PI4KA: variants seen among roughly 807,000 people sequenced by gnomAD.
The protein encoded by PI4KA is PI4-kinase alpha.
Under a neutral mutation model 271.4 loss-of-function variants are expected in PI4KA, and 122 were observed. The ratio of observed to expected loss-of-function variants is 0.45; its 90% CI spans 0.39 to 0.52. PI4KA has a LOEUF of 0.52. PI4KA is among the 20% of genes least tolerant of loss of function. The probability of loss-of-function intolerance (pLI) is 0.00; values close to 1 mark genes in which losing one functional copy is unlikely to be tolerated. For synonymous variants in PI4KA, 1,041 were observed against 1,078.8 expected, an observed-to-expected ratio of 0.96 and a Z score of 0.69; for missense variants, 1,969 against 2,769.1, an observed-to-expected ratio of 0.71 and a Z score of 6.48.
At chr22:20,720,961 G>A (rs1926663805) in intron 43 of PI4KA, among the ~76,000 whole-genome samples, 1 of 152,210 alleles carries the variant, frequency 6.6e-6, no homozygotes, top group Non-Finnish European at 1.5e-5. Context: ...TGTGCTATTT[G>A]GGAACCGCTG....
chr22:20,801,670 G>GAACCACCA (rs1935339234), intron 14 of PI4KA, among the ~76,000 whole-genome samples: 1 of 152,014 alleles, frequency 6.6e-6, no homozygotes, highest in African/African-American at 2.4e-5. Context: ...GATCACCTGA[G>GAACCACCA]GTCAGGAGTT....
chr22:20,721,217 G>C, intron 43 of PI4KA, 81 bp downstream of exon 43: 1 of 1,489,474 alleles, frequency 6.7e-7, no homozygotes, highest in Non-Finnish European at 9.3e-7. Flanking sequence ...GCAGGCTGGC[G>C]AGAGCCCTGG....
chr22:20,820,471 A>G (rs1457575929), intron 5 of PI4KA, 68 bp downstream of exon 5: 2 of 1,012,778 alleles, frequency 2.0e-6, no homozygotes, highest in African/African-American at 1.6e-5. Flanking sequence ...AACAGAAAAG[A>G]CTGGAGAAAA....
intron 12 of PI4KA, 48 bp from the exon 13 acceptor site, chr22:20,803,368 C>T: frequency 1.9e-6 from 3 of 1,611,804 alleles, no homozygotes; most frequent in African/African-American, 2.7e-5. Context: ...ATGGGACCAT[C>T]TGAGTAGGCC....
In PI4KA at chr22:20,761,383, T is replaced by G. The variant is rs1569000287; in HGVS notation, c.2712A>C (p.Val904=). 6.2e-7 allele frequency: 1 copy of G among 1,605,312 alleles called. No homozygotes were observed. The highest frequency in any genetic ancestry group is 1.1e-5 in the South Asian group (1 of 90,922). Residue 904 remains valine (V), a synonymous_variant, in exon 23 of 55, where the codon GTA becomes GTC. Coordinates refer to ENST00000255882, the MANE Select transcript of PI4KA (RefSeq NM_058004.4). The stretch of plus-strand genomic sequence containing the variant: ...AGCGATCAGGATCTGTTGAACGCAG[T>G]ACCCTAAGAAGAAAACAGCTTTAAA... ...LSVYRLEYMR[V]LRSTDPDRFQ... is the part of the protein sequence containing the mutation.
At chr22:20,752,170 G>A (rs1601407457) in intron 25 of PI4KA, among the ~76,000 whole-genome samples, 1 of 152,206 alleles carries the variant, frequency 6.6e-6, no homozygotes, top group East Asian at 1.9e-4. Flanking sequence ...CCCCAGGGCT[G>A]AAGGAGAGGT....
intron 9 of PI4KA, among the ~76,000 whole-genome samples, chr22:20,809,173 G>C (rs1238355833): frequency 6.6e-6 from 1 of 152,120 alleles, no homozygotes; most frequent in South Asian, 2.1e-4. Context: ...GACAACACGA[G>C]TGTTAAACTT....
intron 23 of PI4KA, among the ~76,000 whole-genome samples, chr22:20,756,183 G>A (rs891531907): frequency 6.6e-6 from 1 of 151,798 alleles, no homozygotes; most frequent in African/African-American, 2.4e-5. Context: ...ATCTTATTTT[G>A]GGCCATGTGT....
intron 9 of PI4KA, among the ~76,000 whole-genome samples, chr22:20,809,221 C>G (rs1569059097): frequency 6.6e-6 from 1 of 152,148 alleles, no homozygotes; most frequent in Admixed American, 6.5e-5. Flanking sequence ...AAGCCCACAG[C>G]CCAGCTCCAT....
At chr22:20,818,659 G>A in intron 6 of PI4KA, 110 bp from the exon 7 acceptor site, 1 of 708,410 alleles carries the variant, frequency 1.4e-6, no homozygotes, top group Non-Finnish European at 2.2e-6. Context: ...TTCAAGTTCT[G>A]GTTGAAGCCT....
chr22:20,748,092 G>A (rs1203627347), intron 28 of PI4KA, among the ~76,000 whole-genome samples: 10 of 152,196 alleles, frequency 6.6e-5, no homozygotes. Context: ...GTGGGCAAAT[G>A]GACCAAACAC....
At chr22:20,841,200 A>G (rs1158507071) in intron 1 of PI4KA, among the ~76,000 whole-genome samples, 1 of 152,068 alleles carries the variant, frequency 6.6e-6, no homozygotes, top group South Asian at 2.1e-4. Context: ...TCTTTTTTAC[A>G]TAAAGCATAA....
At chr22:20,856,538 G>A (rs542000605) in intron 1 of PI4KA, among the ~76,000 whole-genome samples, 2 of 151,136 alleles carry the variant, frequency 1.3e-5, no homozygotes, top group East Asian at 3.9e-4. Context: ...AGGTTCAAGC[G>A]ATTCTCCTGC....
At chr22:20,840,920 G>A (rs1364737397) in intron 1 of PI4KA, among the ~76,000 whole-genome samples, 1 of 152,138 alleles carries the variant, frequency 6.6e-6, no homozygotes, top group Non-Finnish European at 1.5e-5. Context: ...ATCCTGAATA[G>A]GGGCTGGGTA....
At chr22:20,808,539 A>G (rs1424901433) in intron 9 of PI4KA, among the ~76,000 whole-genome samples, 65 of 150,188 alleles carry the variant, frequency 4.3e-4, no homozygotes, top group African/African-American at 1.5e-3. Flanking sequence ...GCAGTGAGCC[A>G]AGATCACGCC....
intron 31 of PI4KA, 123 bp downstream of exon 31, chr22:20,742,485 A>G: frequency 1.3e-6 from 2 of 1,541,254 alleles, no homozygotes; most frequent in Non-Finnish European, 8.9e-7. Context: ...CTCATGAGAG[A>G]TACTCCTCTA....
chr22:20,793,013 T>C (rs980405491), intron 19 of PI4KA, among the ~76,000 whole-genome samples, 180 bp downstream of exon 19: 8 of 152,088 alleles, frequency 5.3e-5, no homozygotes, highest in African/African-American at 1.7e-4. Context: ...GGATGTGCCA[T>C]GGTGGACACA....
At chr22:20,788,729 C>G (rs1226763969) in intron 19 of PI4KA, among the ~76,000 whole-genome samples, 7 of 152,330 alleles carry the variant, frequency 4.6e-5, no homozygotes, top group Admixed American at 4.6e-4. Context: ...ATTCTCCAAT[C>G]TGCTTCACCC....
intron 42 of PI4KA, among the ~76,000 whole-genome samples, chr22:20,723,035 CTTT>C (rs201708519): frequency 6.9e-6 from 1 of 145,456 alleles, no homozygotes. Flanking sequence ...TTTACTGTTC[CTTT>C]TTTTTTTTGA....
Sources: allele counts gnomAD v4.1 joint callset (sites outside exome capture counted in the v4.1 genomes callset), GRCh38; gene constraint gnomAD v4.1.1; transcripts MANE v1.5; gene names NCBI Gene and HGNC (gene_info 2026-07-23, HGNC 2026-07-21).